WNT3A: variants seen among roughly 807,000 people sequenced by gnomAD.
The protein encoded by WNT3A is Wnt family member 3A, also known as protein Wnt-3a.
WNT3A carries 17 observed loss-of-function variants against 37.0 expected under a neutral mutation model. The observed-to-expected ratio is 0.46, with a 90% CI of 0.31 to 0.69. The LOEUF (loss-of-function observed/expected upper bound fraction) is 0.69, where lower values mean the gene tolerates loss of function less well. WNT3A is among the 30% of genes least tolerant of loss of function. The probability of loss-of-function intolerance (pLI) is 0.05; values close to 1 mark genes in which losing one functional copy is unlikely to be tolerated. For synonymous variants in WNT3A, 187 were observed against 211.0 expected, an observed-to-expected ratio of 0.89 and a Z score of 0.99; for missense variants, 411 against 510.2, an observed-to-expected ratio of 0.81 and a Z score of 1.87.
intron 3 of WNT3A, among the ~76,000 whole-genome samples, chr1:228,057,993 C>G (rs71650379): frequency 2.0e-3 from 305 of 152,280 alleles, no homozygotes; most frequent in Non-Finnish European, 3.4e-3. Context: ...CCCGCCACCA[C>G]GCCTAATTTT....
Position 228,007,077 on chromosome 1 carries a change from C to A in WNT3A, c.-52C>A. On this transcript the variant is annotated 5_prime_UTR_variant, in exon 1 of 4. Transcript: ENST00000284523. The surrounding 1 kb of genome is among the most constrained non-coding windows in gnomAD (Gnocchi z 6.0). ...GCTCCCAGGGCCCGGCCCCCCCCGG[C>A]GCTCACGCTCTCGGGGCGGACTCCC... The A allele has an allele frequency of 1.4e-6, 2 of 1,409,366 alleles. No homozygotes were observed. Among genetic ancestry groups the A allele is most frequent in the Non-Finnish European group, 1.9e-6 (2 of 1,057,556 alleles). 87.3% of individuals were successfully genotyped at this position (1,409,366 alleles called of 1,614,324 possible). A position where few individuals can be genotyped will look rare whatever the true frequency, so the allele number is the denominator to read the frequency against.
At chr1:228,011,287 C>A (rs528468870) in intron 1 of WNT3A, among the ~76,000 whole-genome samples, 1 of 152,234 alleles carries the variant, frequency 6.6e-6, no homozygotes, top group African/African-American at 2.4e-5. Flanking sequence ...GCCCAGGGTA[C>A]CCAGAAGCTC....
intron 1 of WNT3A, among the ~76,000 whole-genome samples, chr1:228,021,128 C>T (rs970831608): frequency 7.2e-5 from 11 of 152,194 alleles, no homozygotes; most frequent in African/African-American, 2.2e-4. Context: ...CGCAGTCAAA[C>T]GCAGAGCACT....
rs1386063099 is a variant in WNT3A, at chr1:228,050,774, C to G, written c.432C>G (p.Gly144=). The change falls in exon 3 of 4, where the codon GGC becomes GGG. Residue 144 remains glycine, a synonymous_variant. Coordinates refer to ENST00000284523, the MANE Select transcript of WNT3A (RefSeq NM_033131.4). This position sits in a 1 kb window ranked among gnomAD's most constrained non-coding sequence, Gnocchi z 5.0. ...AICGCSSRHQ[G]SPGKGWKWGG... is the part of the protein sequence containing the mutation. ...GTGGCTGCAGCAGCCGCCACCAGGG[C>G]TCACCAGGCAAGGGCTGGAAGTGGG... 1.9e-6 allele frequency: 3 copies of G among 1,614,116 alleles called. No individual in the cohort carries two copies. Among genetic ancestry groups the G allele is most frequent in the Non-Finnish European group, 2.5e-6 (3 of 1,180,026 alleles).
At chr1:228,016,897 G>T (rs2030549223) in intron 1 of WNT3A, among the ~76,000 whole-genome samples, 1 of 152,128 alleles carries the variant, frequency 6.6e-6, no homozygotes, top group South Asian at 2.1e-4. Context: ...TTACCGCAGG[G>T]AGGGCACTGT....
intron 1 of WNT3A, among the ~76,000 whole-genome samples, chr1:228,011,705 AG>A (rs1283432471): frequency 6.6e-6 from 1 of 152,146 alleles, no homozygotes; most frequent in Non-Finnish European, 1.5e-5. Flanking sequence ...TCTGGTGCTG[AG>A]GACAGCAGTC....
chr1:228,046,859 A>C (rs978630627), intron 2 of WNT3A, among the ~76,000 whole-genome samples: 1 of 147,888 alleles, frequency 6.8e-6, no homozygotes, highest in African/African-American at 2.5e-5. Context: ...CATGTGCATC[A>C]GGTGGGGTGT....
intron 3 of WNT3A, among the ~76,000 whole-genome samples, chr1:228,057,990 C>T (rs550218192): frequency 4.9e-4 from 75 of 152,324 alleles, no homozygotes; most frequent in South Asian, 8.3e-4. Flanking sequence ...GTTCCCGCCA[C>T]CACGCCTAAT....
chr1:228,014,346 C>T (rs538633800), intron 1 of WNT3A, among the ~76,000 whole-genome samples: 2 of 152,344 alleles, frequency 1.3e-5, no homozygotes, highest in East Asian at 1.9e-4. Context: ...CCATGCCCAC[C>T]TTCCAGGCCT....
At chr1:228,057,961 C>G (rs1299615358) in intron 3 of WNT3A, among the ~76,000 whole-genome samples, 1 of 152,172 alleles carries the variant, frequency 6.6e-6, no homozygotes, top group African/African-American at 2.4e-5. Flanking sequence ...CTCTGCCTCC[C>G]AAGTAGCTGG....
chr1:228,051,323 G>T (rs141573609), intron 3 of WNT3A, among the ~76,000 whole-genome samples: 472 of 152,176 alleles, frequency 3.1e-3, no homozygotes, highest in South Asian at 5.4e-3. Flanking sequence ...GGCTGGGAGA[G>T]CCTCCCAGGC....
intron 3 of WNT3A, among the ~76,000 whole-genome samples, chr1:228,052,944 A>G (rs1019144660): frequency 2.0e-5 from 3 of 152,228 alleles, no homozygotes; most frequent in Non-Finnish European, 4.4e-5. Flanking sequence ...CCAGTGCAAC[A>G]GTCTGGAGAG....
intron 2 of WNT3A, among the ~76,000 whole-genome samples, chr1:228,028,971 C>A (rs2030924183): frequency 4.6e-5 from 7 of 151,948 alleles, no homozygotes; most frequent in Admixed American, 4.6e-4. Context: ...TTTTTTTACC[C>A]AGACAGGTTA....
At chr1:228,016,291 T>C (rs1224163552) in intron 1 of WNT3A, among the ~76,000 whole-genome samples, 1 of 152,174 alleles carries the variant, frequency 6.6e-6, no homozygotes. Context: ...AGCCTTAGAA[T>C]GTCCAAGCTA....
intron 2 of WNT3A, among the ~76,000 whole-genome samples, chr1:228,027,491 C>T (rs1319358450): frequency 6.6e-6 from 1 of 152,154 alleles, no homozygotes; most frequent in Non-Finnish European, 1.5e-5. Context: ...GGTGGTATCT[C>T]GTTGTGGTTT....
rs1472237898 is a variant in WNT3A at position 228,007,785 on chromosome 1, C to T, written c.71+586C>T. Among the ~76,000 whole-genome samples, 4 of 152,068 alleles carry T rather than the reference C, an allele frequency of 2.6e-5. No individual in the cohort carries two copies. The highest frequency in any genetic ancestry group is 9.7e-5 in the African/African-American group (4 of 41,426). On this transcript the variant is annotated intron_variant, in intron 1 of 3. Coordinates refer to ENST00000284523, the MANE Select transcript of WNT3A (RefSeq NM_033131.4). The surrounding 1 kb of genome is among the most constrained non-coding windows in gnomAD (Gnocchi z 6.0). ...CTGGGCCCCGCGCGCCTCCCCGCCG[C>T]AGTCCGGGCACGGGGGTTTCCAGGG...
At position 228,042,162 on chromosome 1, in the gene WNT3A, A is replaced by G. The variant is rs2031299424; in HGVS notation, c.314-8494A>G. Among the ~76,000 whole-genome samples the G allele has an allele frequency of 6.6e-6, 1 of 152,252 alleles. No individual in the cohort carries two copies. The highest frequency in any genetic ancestry group is 2.4e-5 in the African/African-American group (1 of 41,544). On this transcript the variant is annotated intron_variant, in intron 2 of 3. Transcript: ENST00000284523. This position sits in a 1 kb window ranked among gnomAD's most constrained non-coding sequence, Gnocchi z 5.2. ...CCCCGCTGATTTTTGTATTTTTAGT[A>G]GAGACGGGGTTTCACCATGTTGGCC...
Position 228,008,339 on chromosome 1 carries a change from G to A in WNT3A, c.71+1140G>A, listed in dbSNP as rs532481700. 6.6e-6 allele frequency among the ~76,000 whole-genome samples: 1 copy of A among 152,328 alleles called. No homozygotes were observed. The highest frequency in any genetic ancestry group is 1.5e-5 in the Non-Finnish European group (1 of 68,026). On this transcript the variant is annotated intron_variant, in intron 1 of 3. Coordinates refer to ENST00000284523, the MANE Select transcript of WNT3A (RefSeq NM_033131.4). The surrounding 1 kb of genome is among the most constrained non-coding windows in gnomAD (Gnocchi z 4.9). ...TAATTACGCCGAGGGGAAGGGGGGAGACCCAGCGAGCCGAGGTACATCTAA... is the reference window on the plus strand; with the variant it reads ...TAATTACGCCGAGGGGAAGGGGGGAAACCCAGCGAGCCGAGGTACATCTAA...
chr1:228,022,661 CT>C lies in WNT3A; in HGVS notation c.72-5del. On this transcript the variant is annotated splice_region_variant and splice_polypyrimidine_tract_variant and intron_variant, in intron 1 of 3. Coordinates refer to ENST00000284523, the MANE Select transcript of WNT3A (RefSeq NM_033131.4). ...CACACTCACCACCGGATCTTGCCCT[CT>C]GCAGGTCGCTGGCTGTTGGGCCACA... is the stretch of plus-strand genomic sequence containing the variant. The C allele has an allele frequency of 6.2e-7, 1 of 1,610,298 alleles. No individual in the cohort carries two copies. Among genetic ancestry groups the C allele is most frequent in the Non-Finnish European group, 8.5e-7 (1 of 1,177,072 alleles).
Sources: allele counts gnomAD v4.1 joint callset (sites outside exome capture counted in the v4.1 genomes callset), GRCh38; gene constraint gnomAD v4.1.1; non-coding constraint Gnocchi (gnomAD v3.1); transcripts MANE v1.5; gene names NCBI Gene and HGNC (gene_info 2026-07-23, HGNC 2026-07-21).